Variants in KLF12 observed in about 807,000 individuals in gnomAD.
KLF12 encodes the protein KLF transcription factor 12, also known as Krueppel-like factor 12.
KLF12 carries 9 observed loss-of-function variants against 37.8 expected under a neutral mutation model. The observed-to-expected ratio is 0.24, with a 90% CI of 0.14 to 0.42. The LOEUF (loss-of-function observed/expected upper bound fraction) is 0.42, where lower values mean the gene tolerates loss of function less well. Ranked by LOEUF, KLF12 falls within the 10% of genes least tolerant of loss-of-function variation. KLF12 has a pLI of 1.00. For missense variants in KLF12, 411 were observed against 516.0 expected, an observed-to-expected ratio of 0.80 and a Z score of 1.97; for synonymous variants, 208 against 202.1, an observed-to-expected ratio of 1.03 and a Z score of -0.25.
At chr13:73,894,685 G>A (rs909637333) in intron 3 of KLF12, among the ~76,000 whole-genome samples, 22 of 152,084 alleles carry the variant, frequency 1.4e-4, no homozygotes, top group African/African-American at 5.3e-4. Flanking sequence ...TATACACACT[G>A]AATAGGCTTT....
intron 2 of KLF12, among the ~76,000 whole-genome samples, chr13:73,979,050 T>C (rs1042203997): frequency 4.6e-5 from 7 of 152,350 alleles, no homozygotes; most frequent in African/African-American, 1.7e-4. Context: ...AGGATTTTCA[T>C]GGCAGTGAAA....
intron 2 of KLF12, among the ~76,000 whole-genome samples, chr13:73,944,341 T>TA (rs1458234591): frequency 6.6e-6 from 1 of 152,164 alleles, no homozygotes; most frequent in Non-Finnish European, 1.5e-5. Flanking sequence ...ATGGAAACCT[T>TA]ACGTTAATTT....
the KLF12 span, among the ~76,000 whole-genome samples, chr13:74,148,676 T>C: frequency 5.4e-4 from 82 of 152,286 alleles, 1 homozygote; most frequent in African/African-American, 1.9e-3. Flanking sequence ...AGAGATAGTT[T>C]AGCACCTTGT....
intron 6 of KLF12, among the ~76,000 whole-genome samples, chr13:73,759,521 A>G (rs1879410175): frequency 6.6e-6 from 1 of 152,162 alleles, no homozygotes; most frequent in Non-Finnish European, 1.5e-5. Flanking sequence ...CTCCCATCCC[A>G]TCAATCTAAT....
At chr13:73,772,579 T>C (rs570341728) in intron 5 of KLF12, among the ~76,000 whole-genome samples, 56 of 152,254 alleles carry the variant, frequency 3.7e-4, no homozygotes, top group Admixed American at 1.3e-3. Flanking sequence ...ATGTGTCCAA[T>C]AGCAAAACCA....
intron 7 of KLF12, among the ~76,000 whole-genome samples, chr13:73,700,512 T>C (rs1405863960): frequency 6.6e-6 from 1 of 151,958 alleles, no homozygotes; most frequent in African/African-American, 2.4e-5. Context: ...CCAAAAATCC[T>C]ATGCATAATA....
intron 3 of KLF12, among the ~76,000 whole-genome samples, chr13:73,924,974 G>A (rs1889305136): frequency 6.6e-6 from 1 of 152,174 alleles, no homozygotes; most frequent in Admixed American, 6.5e-5. Flanking sequence ...TCCATTCTAT[G>A]AGGCTGAGAG....
At chr13:74,128,260 T>C (rs1878053929) in intron 1 of KLF12, among the ~76,000 whole-genome samples, 1 of 152,226 alleles carries the variant, frequency 6.6e-6, no homozygotes, top group South Asian at 2.1e-4. Flanking sequence ...GACCTTTGAC[T>C]GCCAGAGTTT....
chr13:74,152,218 C>T, the KLF12 span, among the ~76,000 whole-genome samples: 1 of 152,172 alleles, frequency 6.6e-6, no homozygotes, highest in Admixed American at 6.5e-5. Context: ...AATTTGATTT[C>T]TCAATACAGG....
chr13:73,876,877 T>A (rs751904763), intron 3 of KLF12, among the ~76,000 whole-genome samples: 1 of 151,958 alleles, frequency 6.6e-6, no homozygotes, highest in Non-Finnish European at 1.5e-5. Context: ...TAGCCAGGCA[T>A]GGTGGCACAC....
chr13:74,062,262 AT>A (rs1873640249), intron 1 of KLF12, among the ~76,000 whole-genome samples: 1 of 152,172 alleles, frequency 6.6e-6, no homozygotes, highest in Non-Finnish European at 1.5e-5. Context: ...GAAGCTCAAA[AT>A]GAGTTAATTT....
chr13:73,830,991 T>TACACACACAC (rs71115618), intron 4 of KLF12, among the ~76,000 whole-genome samples: 3 of 119,002 alleles, frequency 2.5e-5, no homozygotes, highest in African/African-American at 8.6e-5. Context: ...ACGCAATTCA[T>TACACACACAC]ACACACACAC....
chr13:74,113,682 T>C (rs1206052532), intron 1 of KLF12, among the ~76,000 whole-genome samples: 1 of 152,218 alleles, frequency 6.6e-6, no homozygotes, highest in Non-Finnish European at 1.5e-5. Flanking sequence ...TAGAACTAGA[T>C]TAAAGCTGTT....
chr13:73,915,697 T>G (rs1237977530), intron 3 of KLF12, among the ~76,000 whole-genome samples: 2 of 147,212 alleles, frequency 1.4e-5, no homozygotes, highest in Non-Finnish European at 1.5e-5. Context: ...GTATTTTTTT[T>G]TTTTTTTTTT....
chr13:73,937,278 C>T (rs1005107681), intron 3 of KLF12, among the ~76,000 whole-genome samples: 6 of 152,224 alleles, frequency 3.9e-5, no homozygotes, highest in Admixed American at 3.3e-4. Context: ...CAAGAAAACA[C>T]ATCTACAGAG....
chr13:73,881,715 G>A (rs532095103), intron 3 of KLF12, among the ~76,000 whole-genome samples: 2 of 152,004 alleles, frequency 1.3e-5, no homozygotes, highest in Non-Finnish European at 2.9e-5. Flanking sequence ...AAAAGTACCC[G>A]CTGTATGCAA....
intron 5 of KLF12, among the ~76,000 whole-genome samples, chr13:73,803,856 T>G (rs1161215737): frequency 1.3e-5 from 2 of 151,924 alleles, no homozygotes; most frequent in African/African-American, 4.8e-5. Flanking sequence ...GTGGAGGTTG[T>G]GGACACCTAA....
chr13:73,887,314 A>G (rs75490724), intron 3 of KLF12, among the ~76,000 whole-genome samples: 1 of 152,318 alleles, frequency 6.6e-6, no homozygotes, highest in Non-Finnish European at 1.5e-5. Flanking sequence ...TCATATTGAA[A>G]TGCAATCCTC....
At chr13:73,915,519 C>T (rs1888778146) in intron 3 of KLF12, among the ~76,000 whole-genome samples, 4 of 144,834 alleles carry the variant, frequency 2.8e-5, no homozygotes, top group Admixed American at 2.1e-4. Flanking sequence ...AGTTTTGTTT[C>T]TTTTTTTTTT....
Sources: allele counts gnomAD v4.1 joint callset (sites outside exome capture counted in the v4.1 genomes callset), GRCh38; gene constraint gnomAD v4.1.1; transcripts MANE v1.5; gene names NCBI Gene and HGNC (gene_info 2026-07-23, HGNC 2026-07-21).